Variants in DZANK1 observed in about 807,000 individuals in gnomAD.
The protein encoded by DZANK1 is double zinc ribbon and ankyrin repeat-containing protein 1.
In DZANK1, 91 loss-of-function variants were observed where a neutral mutation model predicts 94.5. That is an observed-to-expected ratio of 0.96 (90% CI 0.81 to 1.15). The LOEUF (loss-of-function observed/expected upper bound fraction) is 1.15. DZANK1 is among the 50% of genes most tolerant of loss of function. The pLI, the probability that DZANK1 is intolerant of heterozygous loss-of-function variation, is 0.00. For missense variants in DZANK1, 903 were observed against 916.4 expected (o/e 0.99, Z 0.19); for synonymous variants, 312 against 325.3 (o/e 0.96, Z 0.44).
intron 4 of DZANK1, among the ~76,000 whole-genome samples, chr20:18,455,011 A>G (rs1384012461): frequency 8.5e-5 from 13 of 152,252 alleles, no homozygotes; most frequent in Admixed American, 8.5e-4. Context: ...GAGCCACTGA[A>G]GACACTGGAG....
intron 13 of DZANK1, among the ~76,000 whole-genome samples, chr20:18,402,420 T>A (rs2056735977): frequency 6.6e-6 from 1 of 152,030 alleles, no homozygotes; most frequent in African/African-American, 2.4e-5. Flanking sequence ...GTACATGACC[T>A]TTCTCTAGGA....
At chr20:18,448,075 C>CTTT (rs2058949698) in intron 7 of DZANK1, among the ~76,000 whole-genome samples, 3 of 152,160 alleles carry the variant, frequency 2.0e-5, no homozygotes, top group South Asian at 2.1e-4. Context: ...TATACAGTAA[C>CTTT]TTTTGTACAA....
chr20:18,458,791 C>T (rs1319359172), intron 3 of DZANK1, among the ~76,000 whole-genome samples: 4 of 152,236 alleles, frequency 2.6e-5, no homozygotes, highest in Non-Finnish European at 5.9e-5. Flanking sequence ...TGAGTAGAGG[C>T]CTGGCTCATA....
intron 7 of DZANK1, among the ~76,000 whole-genome samples, chr20:18,447,356 C>T (rs562469924): frequency 5.1e-4 from 78 of 152,242 alleles, no homozygotes; most frequent in Non-Finnish European, 9.4e-4. Flanking sequence ...GCGCATGCCT[C>T]TGTCATCCAG....
exon 21 of DZANK1, chr20:18,384,379 G>A: frequency 1.9e-6 from 3 of 1,595,998 alleles, no homozygotes; most frequent in Non-Finnish European, 2.6e-6. Context: ...CTTAAATGAA[G>A]TCCCGTGGAG....
chr20:18,385,106 A>G lies in DZANK1; in HGVS notation c.2019-16T>C, dbSNP rs773873976. On this transcript the variant is annotated splice_polypyrimidine_tract_variant and intron_variant, in intron 19 of 20. Coordinates refer to ENST00000262547, the Ensembl canonical transcript of DZANK1. ...ATTTCTGAGCCTAATGAGGGGGGAA[A>G]AATCCTGGATAAATCCTTAGTTAGC... 38 of 1,551,488 alleles carry G rather than the reference A, an allele frequency of 2.4e-5. No individual in the cohort carries two copies. Among genetic ancestry groups the G allele is most frequent in the Middle Eastern group, 3.3e-4 (2 of 6,012 alleles).
chr20:18,448,843 G>A (rs1045554762), intron 7 of DZANK1, 141 bp downstream of exon 7: 4 of 678,158 alleles, frequency 5.9e-6, no homozygotes, highest in African/African-American at 3.7e-5. Flanking sequence ...CTCCAGCCAG[G>A]GTGACAGAGT....
intron 13 of DZANK1, among the ~76,000 whole-genome samples, chr20:18,409,176 T>TAAA (rs1308180768): frequency 2.6e-5 from 4 of 151,970 alleles, no homozygotes; most frequent in Non-Finnish European, 5.9e-5. Flanking sequence ...ATAAAAAATT[T>TAAA]AAAAATTTTT....
rs548562333 is a variant in DZANK1 at position 18,429,127 on chromosome 20, A to G, written c.862-1968T>C. Among the ~76,000 whole-genome samples the G allele has an allele frequency of 4.6e-5, 7 of 152,350 alleles. No individual in the cohort carries two copies. The South Asian group carries it at 1.4e-3, about 32-fold the overall frequency. On this transcript the variant is annotated intron_variant, in intron 9 of 20. Coordinates refer to ENST00000262547, the Ensembl canonical transcript of DZANK1. ...GACTTTCCTGAAAATGTTGCCTCAG[A>G]AAAGATCTGGTGAAACCCATTGAGA...
chr20:18,405,157 A>G (rs1462729821), intron 13 of DZANK1, among the ~76,000 whole-genome samples: 2 of 152,024 alleles, frequency 1.3e-5, no homozygotes, highest in Non-Finnish European at 2.9e-5. Flanking sequence ...GATTTGTATC[A>G]TTGCACTCCA....
In DZANK1 at chr20:18,441,288, C is replaced by G. The variant is rs73123129; in HGVS notation, c.747+2059G>C. On this transcript the variant is annotated intron_variant, in intron 8 of 20. Transcript: ENST00000262547. The surrounding 1 kb of genome is among the most constrained non-coding windows in gnomAD (Gnocchi z 4.1). ...TCCCATTTCCCATTGGCAAGGAGCT[C>G]GGCACTGTTCCCAAGCAAAGGACAA... Among the ~76,000 whole-genome samples the G allele has an allele frequency of 2.6e-4, 40 of 152,250 alleles. No homozygotes were observed. Among genetic ancestry groups the G allele is most frequent in the Non-Finnish European group, 4.3e-4 (29 of 68,012 alleles).
Position 18,403,636 on chromosome 20 carries a change from C to T in DZANK1, c.1433-5010G>A, listed in dbSNP as rs1467915619. 2.0e-5 allele frequency among the ~76,000 whole-genome samples: 3 copies of T among 152,090 alleles called. No individual in the cohort carries two copies. In the East Asian group the frequency reaches 5.8e-4, roughly 29 times the overall value. ...TTACTCAGATCAGAGAAATAAACAG[C>T]TAAGAAGAGCCCTCCTGAGGTAAGA... On this transcript the variant is annotated intron_variant, in intron 13 of 20. Coordinates refer to ENST00000262547, the Ensembl canonical transcript of DZANK1.
At chr20:18,403,071 A>G (rs1162226391) in intron 13 of DZANK1, among the ~76,000 whole-genome samples, 1 of 152,208 alleles carries the variant, frequency 6.6e-6, no homozygotes, top group East Asian at 1.9e-4. Context: ...GGGGTGTAGT[A>G]TCTTCCGAGG....
intron 7 of DZANK1, among the ~76,000 whole-genome samples, chr20:18,446,836 C>A (rs924201694): frequency 1.3e-5 from 2 of 152,142 alleles, no homozygotes; most frequent in African/African-American, 4.8e-5. Flanking sequence ...CTAACTTATT[C>A]TATGAATCTA....
exon 21 of DZANK1, chr20:18,384,176 C>T: frequency 2.9e-6 from 1 of 346,380 alleles, no homozygotes; most frequent in East Asian, 5.5e-5. Flanking sequence ...TTTCCTGCCT[C>T]AGCCTCTCGA....
chr20:18,415,115 T>C (rs2057426462), intron 11 of DZANK1, among the ~76,000 whole-genome samples: 1 of 152,202 alleles, frequency 6.6e-6, no homozygotes, highest in African/African-American at 2.4e-5. Flanking sequence ...TGAAAAGGTT[T>C]AACCTCAAAG....
chr20:18,451,276 C>T (rs1369427436), intron 6 of DZANK1, among the ~76,000 whole-genome samples: 2 of 152,198 alleles, frequency 1.3e-5, no homozygotes, highest in Admixed American at 1.3e-4. Flanking sequence ...TAAGTCACCT[C>T]TATCTTGTCA....
intron 15 of DZANK1, chr20:18,394,768 G>A: frequency 2.2e-6 from 1 of 458,672 alleles, no homozygotes; most frequent in Non-Finnish European, 4.4e-6. Context: ...GTCTCAGGCT[G>A]CCAAGTGTGA....
chr20:18,439,458 TATAGACCAGGCG>T (rs2058650100), intron 8 of DZANK1, among the ~76,000 whole-genome samples: 1 of 152,170 alleles, frequency 6.6e-6, no homozygotes, highest in Non-Finnish European at 1.5e-5. Context: ...TTTTCAATTA[TATAGACCAGGCG>T]ATACACTAGA....
Sources: allele counts gnomAD v4.1 joint callset (sites outside exome capture counted in the v4.1 genomes callset), GRCh38; gene constraint gnomAD v4.1.1; non-coding constraint Gnocchi (gnomAD v3.1); transcripts MANE v1.5; gene names NCBI Gene and HGNC (gene_info 2026-07-23, HGNC 2026-07-21).